Variants in ITPR2 observed in about 807,000 individuals in gnomAD.
ITPR2 encodes the protein inositol 1,4,5-trisphosphate receptor type 2, also known as inositol 1,4,5-trisphosphate-gated calcium channel ITPR2.
Under a neutral mutation model 317.1 loss-of-function variants are expected in ITPR2, and 207 were observed. That is an observed-to-expected ratio of 0.65 (90% CI 0.58 to 0.73). ITPR2 has a LOEUF of 0.73. Among genes scored for constraint, ITPR2 ranks in the 30% least tolerant of loss-of-function variants. The pLI, the probability that ITPR2 is intolerant of heterozygous loss-of-function variation, is 0.00. For missense variants in ITPR2, 2,613 were observed against 3,284.0 expected (o/e 0.80, Z 4.99); for synonymous variants, 1,156 against 1,149.1 (o/e 1.01, Z -0.12).
At chr12:26,785,895 G>GC (rs1271353627) in intron 2 of ITPR2, among the ~76,000 whole-genome samples, 1 of 58,356 alleles carries the variant, frequency 1.7e-5, no homozygotes, top group African/African-American at 5.2e-5. Context: ...CTGCCCGGCC[G>GC]CCCCTACTGG....
At chr12:26,492,919 G>A (rs1464643990) in intron 39 of ITPR2, among the ~76,000 whole-genome samples, 11 of 144,478 alleles carry the variant, frequency 7.6e-5, no homozygotes, top group East Asian at 2.5e-4. Context: ...GTGTGTGTGT[G>A]TATATATATA....
chr12:26,821,118 G>A (rs967434276), intron 1 of ITPR2, among the ~76,000 whole-genome samples: 6 of 152,060 alleles, frequency 3.9e-5, no homozygotes, highest in East Asian at 1.9e-4. Flanking sequence ...CTTTTTAAAC[G>A]GTCAAAATGA....
rs1947408361 is a variant in ITPR2 at position 26,657,858 on chromosome 12, T to C, written c.2041A>G (p.Ser681Gly). 1.2e-6 allele frequency: 2 copies of C among 1,614,012 alleles called. No homozygotes were observed. Among genetic ancestry groups the C allele is most frequent in the African/African-American group, 2.7e-5 (2 of 74,908 alleles). The change falls in exon 18 of 57, where the codon AGC (serine) becomes GGC (glycine). Residue 681 changes from serine (S) to glycine (G), a missense_variant. Physicochemically the swap from Ser to Gly is moderately conservative, Grantham distance 56. Coordinates refer to ENST00000381340, the MANE Select transcript of ITPR2 (RefSeq NM_002223.4). ...VSMQADNPME[S>G]SILSDDIDDE... ...TCAATGTCATCTGAAAGGATGGAGC[T>C]CTCCATGGGGTTGTCTGCTTGCATT...
intron 54 of ITPR2, among the ~76,000 whole-genome samples, chr12:26,389,633 T>G (rs182803546): frequency 7.9e-4 from 120 of 152,328 alleles, no homozygotes; most frequent in Admixed American, 2.2e-3. Context: ...ACCATCTCAA[T>G]GTGGTTTAAC....
intron 54 of ITPR2, among the ~76,000 whole-genome samples, chr12:26,388,481 T>C (rs181642577): frequency 3.8e-4 from 58 of 152,262 alleles, no homozygotes; most frequent in African/African-American, 1.4e-3. Flanking sequence ...ATTTATTTTT[T>C]TGAGACAGAG....
At chr12:26,381,139 A>C (rs1939497686) in intron 55 of ITPR2, among the ~76,000 whole-genome samples, 1 of 152,186 alleles carries the variant, frequency 6.6e-6, no homozygotes, top group Admixed American at 6.5e-5. Context: ...CAGATGGATT[A>C]ATGTGCCTAC....
intron 47 of ITPR2, among the ~76,000 whole-genome samples, chr12:26,436,858 C>T (rs542834930): frequency 6.6e-6 from 1 of 152,276 alleles, no homozygotes; most frequent in African/African-American, 2.4e-5. Flanking sequence ...AATCATGTGA[C>T]ATAGTATTCC....
At chr12:26,828,070 C>T (rs1235298937) in intron 1 of ITPR2, among the ~76,000 whole-genome samples, 1 of 152,220 alleles carries the variant, frequency 6.6e-6, no homozygotes, top group Non-Finnish European at 1.5e-5. Context: ...AGCATCTTCT[C>T]TCCTTCTTAG....
intron 37 of ITPR2, among the ~76,000 whole-genome samples, chr12:26,500,905 GT>G (rs368620095): frequency 8.5e-5 from 13 of 152,170 alleles, no homozygotes; most frequent in African/African-American, 2.9e-4. Flanking sequence ...TCAAGGATGT[GT>G]GATATTTGAG....
chr12:26,612,879 A>T lies in ITPR2; in HGVS notation c.3462+8244T>A, dbSNP rs143447159. On this transcript the variant is annotated intron_variant, in intron 26 of 56. Coordinates refer to ENST00000381340, the MANE Select transcript of ITPR2 (RefSeq NM_002223.4). ...ATTCTTGAACTTTACTTCTCTTATT[A>T]TTCTTGAATACATGCTAACTCCTCC... Among the ~76,000 whole-genome samples the T allele has an allele frequency of 2.6e-5, 4 of 152,306 alleles. No homozygotes were observed. The East Asian group carries it at 5.8e-4, about 22-fold the overall frequency.
intron 37 of ITPR2, among the ~76,000 whole-genome samples, chr12:26,526,262 A>C (rs1943806645): frequency 6.6e-6 from 1 of 152,228 alleles, no homozygotes; most frequent in African/African-American, 2.4e-5. Flanking sequence ...GTTATTTTAG[A>C]TAGAGTTGTC....
At chr12:26,589,680 G>A (rs1411710327) in intron 32 of ITPR2, among the ~76,000 whole-genome samples, 11 of 149,616 alleles carry the variant, frequency 7.4e-5, no homozygotes, top group East Asian at 1.9e-4. Context: ...CCAGCTACTC[G>A]GGAGGCTGAG....
intron 2 of ITPR2, among the ~76,000 whole-genome samples, chr12:26,733,519 T>C (rs1949061596): frequency 6.6e-6 from 1 of 152,054 alleles, no homozygotes; most frequent in African/African-American, 2.4e-5. Flanking sequence ...CAATGGGAAA[T>C]ATACTATGTG....
intron 37 of ITPR2, among the ~76,000 whole-genome samples, chr12:26,523,395 G>A (rs185484431): frequency 6.7e-4 from 102 of 152,090 alleles, no homozygotes; most frequent in Admixed American, 4.4e-3. Context: ...ACTTTTTCTC[G>A]CTAATCTTCC....
chr12:26,632,853 T>C (rs933731523), intron 21 of ITPR2, among the ~76,000 whole-genome samples: 4 of 152,238 alleles, frequency 2.6e-5, no homozygotes, highest in Admixed American at 6.5e-5. Flanking sequence ...TTCCTTACAC[T>C]GACCACAAAT....
chr12:26,550,405 C>T (rs1944496002), intron 36 of ITPR2, 50 bp from the exon 37 acceptor site: 1 of 820,140 alleles, frequency 1.2e-6, no homozygotes, highest in Non-Finnish European at 2.0e-6. Context: ...TCTCTTCAAG[C>T]TATATACAAA....
At chr12:26,732,810 T>C (rs1398465864) in intron 2 of ITPR2, among the ~76,000 whole-genome samples, 1 of 152,134 alleles carries the variant, frequency 6.6e-6, no homozygotes, top group African/African-American at 2.4e-5. Context: ...TTAGAACAAA[T>C]CTAATCTGGC....
intron 9 of ITPR2, among the ~76,000 whole-genome samples, chr12:26,703,920 G>A (rs1948501372): frequency 6.6e-6 from 1 of 152,078 alleles, no homozygotes; most frequent in Non-Finnish European, 1.5e-5. Context: ...ACATACAACA[G>A]GTAACAAACA....
intron 37 of ITPR2, among the ~76,000 whole-genome samples, chr12:26,531,750 T>C (rs1253249911): frequency 6.6e-6 from 1 of 152,060 alleles, no homozygotes; most frequent in East Asian, 1.9e-4. Context: ...CCCCACCACT[T>C]AGAACCTCAT....
Sources: gnomAD v4.1 joint callset for allele counts (sites outside exome capture counted in the v4.1 genomes callset) on GRCh38, gnomAD v4.1.1 for gene constraint, MANE v1.5 for transcripts, NCBI Gene and HGNC (gene_info 2026-07-23, HGNC 2026-07-21) for gene names.